FER: variants seen among roughly 807,000 people sequenced by gnomAD.
The protein encoded by FER is tyrosine-protein kinase Fer.
In FER, 63 loss-of-function variants were observed where a neutral mutation model predicts 111.0. That is an observed-to-expected ratio of 0.57 (90% CI 0.46 to 0.70). FER has a LOEUF of 0.70. FER is among the 30% of genes least tolerant of loss of function. The probability of loss-of-function intolerance (pLI) is 0.00; values close to 1 mark genes in which losing one functional copy is unlikely to be tolerated. For missense variants in FER, 914 were observed against 954.0 expected, an observed-to-expected ratio of 0.96 and a Z score of 0.55; for synonymous variants, 327 against 313.9, an observed-to-expected ratio of 1.04 and a Z score of -0.44.
At chr5:109,147,582 T>C (rs1167230826) in intron 17 of FER, among the ~76,000 whole-genome samples, 1 of 152,008 alleles carries the variant, frequency 6.6e-6, no homozygotes, top group Non-Finnish European at 1.5e-5. Context: ...AGTATGCCCA[T>C]TTGTAGAATA....
At chr5:109,007,436 A>C (rs1765644576) in intron 13 of FER, among the ~76,000 whole-genome samples, 1 of 149,598 alleles carries the variant, frequency 6.7e-6, no homozygotes, top group Non-Finnish European at 1.5e-5. Context: ...CAATTGCATC[A>C]GCTCCCAAAA....
chr5:109,042,334 C>G (rs776663821), intron 14 of FER, among the ~76,000 whole-genome samples: 6 of 152,110 alleles, frequency 3.9e-5, no homozygotes, highest in Non-Finnish European at 7.3e-5. Context: ...TTCAGAATCT[C>G]AATTCTGTCA....
chr5:108,822,116 T>C (rs1388207963), intron 3 of FER, among the ~76,000 whole-genome samples: 4 of 152,228 alleles, frequency 2.6e-5, no homozygotes, highest in Non-Finnish European at 5.9e-5. Context: ...TTTTTATGCC[T>C]GGCTTTTTCA....
At chr5:109,074,012 C>G (rs1000336523) in intron 16 of FER, among the ~76,000 whole-genome samples, 1 of 152,060 alleles carries the variant, frequency 6.6e-6, no homozygotes, top group African/African-American at 2.4e-5. Context: ...CTTATCCTGT[C>G]TTACTCAAAA....
At chr5:108,768,951 A>C (rs1446757249) in intron 2 of FER, among the ~76,000 whole-genome samples, 1 of 151,992 alleles carries the variant, frequency 6.6e-6, no homozygotes, top group African/African-American at 2.4e-5. Context: ...CAGCCTCCCA[A>C]GTAGCTGGGA....
At chr5:109,122,764 A>G (rs1298474123) in intron 17 of FER, among the ~76,000 whole-genome samples, 1 of 152,164 alleles carries the variant, frequency 6.6e-6, no homozygotes, top group African/African-American at 2.4e-5. Flanking sequence ...GGGTGCATAC[A>G]TATTTATAAT....
intron 10 of FER, among the ~76,000 whole-genome samples, chr5:108,902,562 G>C (rs1045413614): frequency 6.6e-6 from 1 of 152,204 alleles, no homozygotes; most frequent in African/African-American, 2.4e-5. Context: ...ATGGGATGCA[G>C]TGTTTCTGAA....
chr5:108,795,506 C>T (rs1755918092), intron 2 of FER, among the ~76,000 whole-genome samples: 1 of 151,022 alleles, frequency 6.6e-6, no homozygotes, highest in Admixed American at 6.6e-5. Context: ...CCTTTTGAGG[C>T]TATTTTCTAG....
rs560208215 is a variant in FER, at chr5:108,778,624, A to G, written c.-60+10386A>G. 3.9e-5 allele frequency among the ~76,000 whole-genome samples: 6 copies of G among 152,202 alleles called. No homozygotes were observed. In the South Asian group the frequency reaches 1.2e-3, roughly 32 times the overall value. On this transcript the variant is annotated intron_variant, in intron 2 of 19. Transcript: ENST00000281092. ...TCATATGCTTATTTTCTGTCCGTGT[A>G]TATTATTTGGTGAGTTGTCTGTTAA...
intron 16 of FER, among the ~76,000 whole-genome samples, chr5:109,073,353 G>C (rs1372950145): frequency 6.6e-6 from 1 of 152,168 alleles, no homozygotes; most frequent in East Asian, 1.9e-4. Context: ...AATTTGGTTA[G>C]TGGTCAGAGC....
intron 17 of FER, among the ~76,000 whole-genome samples, chr5:109,112,190 G>C (rs1451675616): frequency 6.6e-6 from 1 of 151,882 alleles, no homozygotes; most frequent in African/African-American, 2.4e-5. Flanking sequence ...TAAGTTTTGA[G>C]AAAACTAAAT....
chr5:109,017,361 A>G (rs1645101371), intron 13 of FER, among the ~76,000 whole-genome samples: 1 of 152,068 alleles, frequency 6.6e-6, no homozygotes, highest in African/African-American at 2.4e-5. Flanking sequence ...TTCATACATT[A>G]CAAATACAAA....
chr5:108,788,562 G>A (rs1755009248), intron 2 of FER, among the ~76,000 whole-genome samples: 1 of 149,196 alleles, frequency 6.7e-6, no homozygotes, highest in Non-Finnish European at 1.5e-5. Context: ...CCTGATGCCT[G>A]TGACTCTGCC....
intron 5 of FER, among the ~76,000 whole-genome samples, chr5:108,849,858 A>G (rs1762381570): frequency 1.3e-5 from 2 of 152,188 alleles, no homozygotes; most frequent in Admixed American, 1.3e-4. Context: ...AGAGAGAATA[A>G]TAATAAAATT....
intron 5 of FER, among the ~76,000 whole-genome samples, chr5:108,858,951 A>ATGTGTG (rs961540169): frequency 2.6e-5 from 4 of 151,672 alleles, no homozygotes; most frequent in African/African-American, 9.7e-5. Flanking sequence ...TGTGTTTTGT[A>ATGTGTG]TGTGTGTGTG....
At chr5:109,095,539 T>C (rs1461364562) in intron 16 of FER, among the ~76,000 whole-genome samples, 1 of 152,094 alleles carries the variant, frequency 6.6e-6, no homozygotes, top group African/African-American at 2.4e-5. Flanking sequence ...TATCCTCTGC[T>C]TTAGTGTTTG....
At chr5:109,023,865 T>A (rs1305969825) in intron 13 of FER, among the ~76,000 whole-genome samples, 1 of 152,094 alleles carries the variant, frequency 6.6e-6, no homozygotes, top group Non-Finnish European at 1.5e-5. Context: ...TAGAACAGTA[T>A]GAGAGATGAT....
intron 13 of FER, among the ~76,000 whole-genome samples, chr5:109,002,848 A>G (rs1042649941): frequency 1.3e-5 from 2 of 152,248 alleles, no homozygotes; most frequent in East Asian, 3.8e-4. Flanking sequence ...TTTGTATCCA[A>G]AAAATACATG....
intron 13 of FER, among the ~76,000 whole-genome samples, chr5:109,027,324 T>G (rs997974571): frequency 2.0e-5 from 3 of 152,172 alleles, no homozygotes; most frequent in Admixed American, 2.0e-4. Context: ...TAGAATTATT[T>G]ATCAAAAACA....
Sources: gnomAD v4.1 joint callset for allele counts (sites outside exome capture counted in the v4.1 genomes callset) on GRCh38, gnomAD v4.1.1 for gene constraint, MANE v1.5 for transcripts, NCBI Gene and HGNC (gene_info 2026-07-23, HGNC 2026-07-21) for gene names.